OPCML: variants seen among roughly 807,000 people sequenced by gnomAD.
The protein encoded by OPCML is opioid-binding protein/cell adhesion molecule.
In OPCML, 13 loss-of-function variants were observed where a neutral mutation model predicts 37.8. That is an observed-to-expected ratio of 0.34 (90% confidence interval 0.22 to 0.55). The LOEUF (loss-of-function observed/expected upper bound fraction) is 0.55. Ranked by LOEUF, OPCML falls within the 20% of genes least tolerant of loss-of-function variation. OPCML has a pLI of 0.91. For missense variants in OPCML, 341 were observed against 435.6 expected, an observed-to-expected ratio of 0.78 and a Z score of 1.93; for synonymous variants, 176 against 168.8, an observed-to-expected ratio of 1.04 and a Z score of -0.33.
intron 1 of OPCML, among the ~76,000 whole-genome samples, chr11:133,380,158 A>C (rs140673801): frequency 9.7e-4 from 147 of 152,294 alleles, no homozygotes; most frequent in African/African-American, 3.2e-3. Context: ...GAATACAAGC[A>C]GGGGTTCAAG....
chr11:133,382,322 G>T (rs1944947266), intron 1 of OPCML, among the ~76,000 whole-genome samples: 1 of 152,182 alleles, frequency 6.6e-6, no homozygotes, highest in South Asian at 2.1e-4. Context: ...AGGAGGGGTG[G>T]GGAATTCTGA....
chr11:132,472,397 C>A (rs2096140774), intron 4 of OPCML, among the ~76,000 whole-genome samples: 1 of 152,182 alleles, frequency 6.6e-6, no homozygotes, highest in East Asian at 1.9e-4. Flanking sequence ...CCATTTCTGG[C>A]AGGCTTATCC....
intron 2 of OPCML, among the ~76,000 whole-genome samples, chr11:132,884,155 C>A (rs1175447011): frequency 6.6e-6 from 1 of 152,118 alleles, no homozygotes; most frequent in Non-Finnish European, 1.5e-5. Context: ...AATGAAGTCA[C>A]CATATGAGAG....
At chr11:132,743,912 C>G (rs901051330) in intron 2 of OPCML, among the ~76,000 whole-genome samples, 4 of 152,178 alleles carry the variant, frequency 2.6e-5, no homozygotes, top group Admixed American at 6.5e-5. Context: ...GCAGACAAGA[C>G]AGCATTAGAA....
Position 132,416,728 on chromosome 11 carries a change from G to T in OPCML, c.*3465C>A, listed in dbSNP as rs2095940007. 1 of 152,328 alleles carries T rather than the reference G, an allele frequency of 6.6e-6. No homozygotes were observed. Among genetic ancestry groups the T allele is most frequent in the Non-Finnish European group, 1.5e-5 (1 of 68,044 alleles). 9.4% of individuals were successfully genotyped at this position (152,328 alleles called of 1,614,324 possible). ...CTTTTCTTCTGTTTCGTGGAGCACAGTTGCAGCAGAACAGCCATGCGCAGT... is the reference window on the plus strand; with the variant it reads ...CTTTTCTTCTGTTTCGTGGAGCACATTTGCAGCAGAACAGCCATGCGCAGT... On this transcript the variant is annotated 3_prime_UTR_variant, in exon 8 of 8. Coordinates refer to ENST00000524381, the MANE Select transcript of OPCML (RefSeq NM_001012393.5).
At chr11:133,222,275 G>T (rs1009360721) in intron 1 of OPCML, among the ~76,000 whole-genome samples, 3 of 152,220 alleles carry the variant, frequency 2.0e-5, no homozygotes, top group African/African-American at 7.2e-5. Context: ...CTATAAAGGA[G>T]AAAACAGGGA....
intron 3 of OPCML, among the ~76,000 whole-genome samples, chr11:132,556,550 C>T (rs929731190): frequency 6.6e-6 from 1 of 152,148 alleles, no homozygotes; most frequent in Non-Finnish European, 1.5e-5. Flanking sequence ...TGTGGAATCT[C>T]AGCTCATCAA....
At chr11:132,594,053 A>C (rs2137726068) in intron 3 of OPCML, among the ~76,000 whole-genome samples, 1 of 152,302 alleles carries the variant, frequency 6.6e-6, no homozygotes, top group African/African-American at 2.4e-5. Flanking sequence ...AAAGAGAAAA[A>C]CAAGGATGTG....
intron 1 of OPCML, among the ~76,000 whole-genome samples, chr11:133,152,029 C>G (rs1380467573): frequency 6.6e-6 from 1 of 152,176 alleles, no homozygotes; most frequent in African/African-American, 2.4e-5. Flanking sequence ...TGTTGAGGAA[C>G]AGAAACAGAG....
At chr11:132,612,654 G>A (rs1938726334) in intron 3 of OPCML, among the ~76,000 whole-genome samples, 1 of 152,174 alleles carries the variant, frequency 6.6e-6, no homozygotes, top group Non-Finnish European at 1.5e-5. Context: ...CACAACCTAA[G>A]CAGAGGCTTG....
chr11:132,573,419 CTTCTT>C (rs1478396207), intron 3 of OPCML, among the ~76,000 whole-genome samples: 1 of 151,846 alleles, frequency 6.6e-6, no homozygotes, highest in African/African-American at 2.4e-5. Context: ...ATATATTTTC[CTTCTT>C]TTCTTAGAAG....
intron 2 of OPCML, among the ~76,000 whole-genome samples, chr11:132,795,732 A>G (rs1233280707): frequency 1.3e-5 from 2 of 152,140 alleles, no homozygotes; most frequent in African/African-American, 4.8e-5. Flanking sequence ...AAGTCCATCC[A>G]CGCTCCACTT....
intron 2 of OPCML, among the ~76,000 whole-genome samples, chr11:132,834,084 T>G (rs1174561438): frequency 6.6e-6 from 1 of 152,222 alleles, no homozygotes; most frequent in Non-Finnish European, 1.5e-5. Flanking sequence ...GGTCGTTAAA[T>G]TTTGGCTCAT....
chr11:132,926,357 C>T (rs1208064653), intron 2 of OPCML, among the ~76,000 whole-genome samples: 2 of 152,020 alleles, frequency 1.3e-5, no homozygotes, highest in Non-Finnish European at 2.9e-5. Flanking sequence ...TGGTACGCAT[C>T]AAGACAGCAT....
chr11:133,107,136 C>T lies in OPCML; in HGVS notation c.62-164126G>A, dbSNP rs552571030. 7.9e-5 allele frequency among the ~76,000 whole-genome samples: 12 copies of T among 152,366 alleles called. No individual in the cohort carries two copies. In the East Asian group the frequency reaches 1.9e-3, roughly 24 times the overall value. On this transcript the variant is annotated intron_variant, in intron 1 of 7. Coordinates refer to ENST00000524381, the MANE Select transcript of OPCML (RefSeq NM_001012393.5). ...TTCTCCATCCAAGAGGAAGATTGTG[C>T]AGGACACCTATCCTGTGGTAGAACA...
chr11:133,271,220 G>T (rs961440614), intron 1 of OPCML, among the ~76,000 whole-genome samples: 1 of 152,126 alleles, frequency 6.6e-6, no homozygotes, highest in African/African-American at 2.4e-5. Flanking sequence ...AGATTAAAAA[G>T]GGTAACATAC....
intron 1 of OPCML, among the ~76,000 whole-genome samples, chr11:133,039,775 G>A (rs973454633): frequency 2.0e-5 from 3 of 152,054 alleles, no homozygotes; most frequent in African/African-American, 7.2e-5. Flanking sequence ...AAAGATTGGG[G>A]GAGGACAACT....
intron 1 of OPCML, among the ~76,000 whole-genome samples, chr11:133,526,423 C>T (rs564214527): frequency 2.2e-4 from 34 of 152,098 alleles, no homozygotes; most frequent in African/African-American, 7.0e-4. Flanking sequence ...GTGTGCCTTG[C>T]GTGTATATGT....
At chr11:133,367,999 T>TATC (rs1944583902) in intron 1 of OPCML, among the ~76,000 whole-genome samples, 1 of 152,202 alleles carries the variant, frequency 6.6e-6, no homozygotes, top group Non-Finnish European at 1.5e-5. Context: ...CCTTGTTTCT[T>TATC]ATCTCCTCCC....
Sources: allele counts gnomAD v4.1 joint callset (sites outside exome capture counted in the v4.1 genomes callset), GRCh38; gene constraint gnomAD v4.1.1; transcripts MANE v1.5; gene names NCBI Gene and HGNC (gene_info 2026-07-23, HGNC 2026-07-21).